The following KALRN variants were observed in gnomAD, a reference collection of about 807,000 sequenced individuals.
KALRN encodes kalirin.
A neutral mutation model predicts 353.7 loss-of-function variants in KALRN; 70 were observed. The observed-to-expected ratio is 0.20, with a 90% CI of 0.16 to 0.24. KALRN has a LOEUF of 0.24. KALRN is among the 10% of genes least tolerant of loss of function. The pLI is 1.00. For synonymous variants in KALRN, 1,391 were observed against 1,434.8 expected (o/e 0.97, Z 0.69); for missense variants, 2,791 against 3,756.7 (o/e 0.74, Z 6.72).
chr3:124,385,785 G>C (rs1257603929), intron 11 of KALRN, among the ~76,000 whole-genome samples: 1 of 152,144 alleles, frequency 6.6e-6, no homozygotes, highest in Non-Finnish European at 1.5e-5. Context: ...TTTCATTTCT[G>C]ATTAACATGG....
At chr3:124,560,767 C>T (rs1311688501) in intron 33 of KALRN, among the ~76,000 whole-genome samples, 1 of 152,208 alleles carries the variant, frequency 6.6e-6, no homozygotes, top group African/African-American at 2.4e-5. Flanking sequence ...GTCCCAGCTA[C>T]TCAGCAGGCT....
At chr3:124,411,118 A>T (rs2092113568) in intron 13 of KALRN, among the ~76,000 whole-genome samples, 1 of 152,184 alleles carries the variant, frequency 6.6e-6, no homozygotes, top group South Asian at 2.1e-4. Flanking sequence ...GTAAGATTTC[A>T]TTCATATTAA....
At chr3:124,539,924 G>C (rs1003274186) in intron 33 of KALRN, among the ~76,000 whole-genome samples, 3 of 133,056 alleles carry the variant, frequency 2.3e-5, no homozygotes, top group Non-Finnish European at 4.8e-5. Context: ...ATTTTTTTTG[G>C]GGGGGGGGAC....
At chr3:124,057,228 C>G (rs144958698) in intron 1 of KALRN, among the ~76,000 whole-genome samples, 1 of 152,088 alleles carries the variant, frequency 6.6e-6, no homozygotes, top group African/African-American at 2.4e-5. Context: ...CCCACCATAC[C>G]GCCCCCACTT....
intron 25 of KALRN, among the ~76,000 whole-genome samples, chr3:124,465,902 G>A (rs1462488653): frequency 1.3e-5 from 2 of 152,168 alleles, no homozygotes; most frequent in African/African-American, 2.4e-5. Flanking sequence ...AACTTAATTA[G>A]CTAAGTCACT....
At chr3:124,039,750 C>T (rs2039775341) in intron 1 of KALRN, among the ~76,000 whole-genome samples, 1 of 151,850 alleles carries the variant, frequency 6.6e-6, no homozygotes, top group African/African-American at 2.4e-5. Flanking sequence ...ACTTCCTGAG[C>T]TTTCTTTTGC....
chr3:124,493,278 G>T (rs1288697628), intron 32 of KALRN, among the ~76,000 whole-genome samples: 1 of 152,170 alleles, frequency 6.6e-6, no homozygotes, highest in Non-Finnish European at 1.5e-5. Flanking sequence ...GAACTCTCTG[G>T]ACTGGTTGGA....
At chr3:124,445,884 G>A (rs979575292) in intron 19 of KALRN, among the ~76,000 whole-genome samples, 20 of 152,244 alleles carry the variant, frequency 1.3e-4, no homozygotes, top group African/African-American at 4.3e-4. Flanking sequence ...AAAGAGAATC[G>A]GGGTCATTTG....
In KALRN at chr3:124,593,715, T is replaced by C. The variant is rs910453045; in HGVS notation, c.5182+30626T>C. 4.6e-5 allele frequency among the ~76,000 whole-genome samples: 7 copies of C among 152,154 alleles called. No individual in the cohort carries two copies. The South Asian group carries it at 6.2e-4, about 14-fold the overall frequency. On this transcript the variant is annotated intron_variant, in intron 34 of 59. Transcript: ENST00000682506. Reference sequence around the variant, plus strand: ...CATTTGCTATTTGCTTTCACAGGGGTGTCAGGGAATAGGAATTAGGAATCA... The same window carrying C: ...CATTTGCTATTTGCTTTCACAGGGGCGTCAGGGAATAGGAATTAGGAATCA...
chr3:124,501,616 C>A (rs982854202), intron 33 of KALRN, among the ~76,000 whole-genome samples: 9 of 152,312 alleles, frequency 5.9e-5, no homozygotes, highest in Admixed American at 5.9e-4. Flanking sequence ...CTTCTGAGAA[C>A]AGACCTCCTG....
intron 10 of KALRN, among the ~76,000 whole-genome samples, chr3:124,365,733 A>G (rs2084601599): frequency 6.6e-6 from 1 of 152,242 alleles, no homozygotes; most frequent in Non-Finnish European, 1.5e-5. Flanking sequence ...AGTTTCACAC[A>G]TGGAGGAACC....
Position 124,259,901 on chromosome 3 carries a change from C to T in KALRN, c.264-4597C>T, listed in dbSNP as rs1296974254. Among the ~76,000 whole-genome samples the T allele has an allele frequency of 3.3e-5, 5 of 152,132 alleles. No homozygotes were observed. The East Asian group carries it at 9.6e-4, about 29-fold the overall frequency. ...CCTTGAAGAGTCATTTTAGCAAAGA[C>T]CCTTCTTCTACTCTTACACACTCCT... On this transcript the variant is annotated intron_variant, in intron 3 of 59. Coordinates refer to ENST00000682506, the MANE Select transcript of KALRN (RefSeq NM_001388419.1).
chr3:124,644,626 T>G (rs2082480127), intron 37 of KALRN, among the ~76,000 whole-genome samples: 1 of 152,188 alleles, frequency 6.6e-6, no homozygotes, highest in African/African-American at 2.4e-5. Context: ...GGTTTCCAGC[T>G]TCCTCCATGT....
intron 8 of KALRN, among the ~76,000 whole-genome samples, chr3:124,331,923 A>T (rs2080607822): frequency 6.6e-6 from 1 of 152,158 alleles, no homozygotes; most frequent in Non-Finnish European, 1.5e-5. Flanking sequence ...GTGGATTTCT[A>T]GGACTTGGGA....
chr3:124,035,316 C>A (rs1231250200), intron 1 of KALRN, among the ~76,000 whole-genome samples: 1 of 152,018 alleles, frequency 6.6e-6, no homozygotes, highest in African/African-American at 2.4e-5. Flanking sequence ...GTTCTGGGGG[C>A]TAAGTGATAT....
chr3:124,203,883 T>A (rs1415924868), intron 1 of KALRN, among the ~76,000 whole-genome samples: 1 of 152,230 alleles, frequency 6.6e-6, no homozygotes, highest in Non-Finnish European at 1.5e-5. Flanking sequence ...CACTTATACA[T>A]GGATTTTTTC....
intron 6 of KALRN, among the ~76,000 whole-genome samples, chr3:124,312,018 A>G (rs1288039875): frequency 6.6e-6 from 1 of 152,256 alleles, no homozygotes; most frequent in Non-Finnish European, 1.5e-5. Context: ...TAAGAGAGTT[A>G]TATCTAATAG....
intron 33 of KALRN, among the ~76,000 whole-genome samples, chr3:124,547,438 G>A (rs1342637782): frequency 6.6e-6 from 1 of 152,014 alleles, no homozygotes; most frequent in African/African-American, 2.4e-5. Context: ...TCAGCCTCCT[G>A]AGTAGCTGGT....
chr3:124,437,718 C>T (rs920257405), intron 17 of KALRN, among the ~76,000 whole-genome samples: 1 of 113,160 alleles, frequency 8.8e-6, no homozygotes. Flanking sequence ...AAAAAAAAGA[C>T]GTTTTTCATC....
Sources: allele counts gnomAD v4.1 joint callset (sites outside exome capture counted in the v4.1 genomes callset), GRCh38; gene constraint gnomAD v4.1.1; transcripts MANE v1.5; gene names NCBI Gene and HGNC (gene_info 2026-07-23, HGNC 2026-07-21).